The following MIB1 variants were observed in gnomAD, a reference collection of about 807,000 sequenced individuals.
MIB1 encodes MIB E3 ubiquitin protein ligase 1.
Under a neutral mutation model 124.5 loss-of-function variants are expected in MIB1, and 278 were observed. That is an observed-to-expected ratio of 2.23 (90% confidence interval 2.02 to 2.47). The LOEUF is 2.47. Among genes scored for constraint, MIB1 ranks in the 30% most tolerant of loss-of-function variants. MIB1 has a pLI of 0.00. For missense variants in MIB1, 957 were observed against 1,254.4 expected (o/e 0.76, Z 3.58); for synonymous variants, 446 against 429.4 (o/e 1.04, Z -0.48).
At chr18:21,777,040 G>C (rs2041296964) in intron 4 of MIB1, among the ~76,000 whole-genome samples, 1 of 152,034 alleles carries the variant, frequency 6.6e-6, no homozygotes, top group Admixed American at 6.6e-5. Flanking sequence ...ACTGTATTTG[G>C]TTTTGTTATT....
At chr18:21,862,883 G>T (rs1314845013) in intron 20 of MIB1, among the ~76,000 whole-genome samples, 2 of 152,164 alleles carry the variant, frequency 1.3e-5, no homozygotes, top group Admixed American at 1.3e-4. Context: ...TTCTTTTTAT[G>T]CAAGAGCAGC....
At chr18:21,754,747 C>A (rs993585341) in intron 1 of MIB1, among the ~76,000 whole-genome samples, 6 of 152,192 alleles carry the variant, frequency 3.9e-5, no homozygotes, top group African/African-American at 1.4e-4. Context: ...GTTAGTTTTG[C>A]TGTCACATCT....
chr18:21,723,959 C>T (rs146258023), intron 1 of MIB1, among the ~76,000 whole-genome samples: 3 of 152,040 alleles, frequency 2.0e-5, no homozygotes, highest in African/African-American at 7.2e-5. Flanking sequence ...CTGCCTTGGC[C>T]TCCCAAAGTG....
In MIB1 at chr18:21,844,198, AAGATATGC is replaced by A; in HGVS notation, c.2158_2165del (p.Asp720ArgfsTer43). 6.2e-7 allele frequency: 1 copy of A among 1,614,190 alleles called. No homozygotes were observed. Among genetic ancestry groups the A allele is most frequent in the Non-Finnish European group, 8.5e-7 (1 of 1,180,016 alleles). ...ACTTTGTCTCAGCTACGTCAGCTCCAAGATATGCAAGATGTGGGGAAGGTGGATGCTGC... is the reference window on the plus strand; with the variant it reads ...ACTTTGTCTCAGCTACGTCAGCTCCAAAGATGTGGGGAAGGTGGATGCTGC... On this transcript the variant is annotated frameshift_variant, in exon 15 of 21. Coordinates refer to ENST00000261537, the MANE Select transcript of MIB1 (RefSeq NM_020774.4). LOFTEE classifies it high-confidence loss of function.
intron 12 of MIB1, among the ~76,000 whole-genome samples, chr18:21,824,385 C>T (rs1357018481): frequency 6.6e-6 from 1 of 152,106 alleles, no homozygotes; most frequent in Non-Finnish European, 1.5e-5. Context: ...GGTCTGTAAA[C>T]AAGACTATGT....
At chr18:21,820,874 A>G (rs1158635757) in intron 12 of MIB1, among the ~76,000 whole-genome samples, 3 of 152,372 alleles carry the variant, frequency 2.0e-5, no homozygotes, top group South Asian at 4.1e-4. Context: ...AGCAAGGTCT[A>G]GGTGACTTTA....
At chr18:21,760,674 C>G (rs1003665873) in intron 1 of MIB1, among the ~76,000 whole-genome samples, 6 of 152,162 alleles carry the variant, frequency 3.9e-5, no homozygotes, top group African/African-American at 1.4e-4. Context: ...ATTATGAGCT[C>G]ATGACTGTTA....
At position 21,868,133 on chromosome 18, in the gene MIB1, TCATAA is replaced by T. The variant is rs1258345879; in HGVS notation, c.*3473_*3477del. 5.3e-5 allele frequency: 8 copies of T among 152,028 alleles called. No individual in the cohort carries two copies. Among genetic ancestry groups the T allele is most frequent in the Non-Finnish European group, 1.0e-4 (7 of 67,930 alleles). The allele number at this position is 152,028 out of a possible 1,614,324, so 9.4% of individuals were successfully genotyped here. The stretch of plus-strand genomic sequence containing the variant: ...TTTTGTATTTTTTGTGATGAAAAAC[TCATAA>T]CATAAAATTTACCATATTAACTGTT... On this transcript the variant is annotated 3_prime_UTR_variant, in exon 21 of 21. Transcript: ENST00000261537.
intron 12 of MIB1, chr18:21,830,606 T>C (rs532126838): frequency 6.6e-6 from 1 of 152,156 alleles, no homozygotes; most frequent in East Asian, 1.9e-4. Context: ...ACAGGCCTTA[T>C]GGTGCTCTGT....
At chr18:21,766,916 A>C (rs186674009) in intron 2 of MIB1, among the ~76,000 whole-genome samples, 7 of 152,270 alleles carry the variant, frequency 4.6e-5, no homozygotes, top group Non-Finnish European at 7.4e-5. Context: ...ACAATAAAAT[A>C]AAATTAGGAA....
intron 12 of MIB1, chr18:21,828,286 C>A (rs771688063): frequency 4.0e-5 from 6 of 151,832 alleles, no homozygotes; most frequent in Admixed American, 2.0e-4. Flanking sequence ...TACCAATATA[C>A]CCTGCTGACT....
Position 21,778,157 on chromosome 18 carries a change from T to TG in MIB1, c.692dup (p.Cys231TrpfsTer6). ...GGGAGGTTCTTTCTACAGAGATCAC[T>TG]GCCCTGTGCTAGGTGAGTGAGAAGA... is the stretch of plus-strand genomic sequence containing the variant. On this transcript the variant is annotated frameshift_variant, in exon 5 of 21. Coordinates refer to ENST00000261537, the MANE Select transcript of MIB1 (RefSeq NM_020774.4). LOFTEE classifies it high-confidence loss of function. 6.2e-7 allele frequency: 1 copy of TG among 1,605,150 alleles called. No homozygotes were observed. The highest frequency in any genetic ancestry group is 1.7e-4 in the Middle Eastern group (1 of 6,054).
intron 1 of MIB1, among the ~76,000 whole-genome samples, chr18:21,725,263 G>C (rs1329676763): frequency 6.6e-6 from 1 of 152,062 alleles, no homozygotes; most frequent in Non-Finnish European, 1.5e-5. Context: ...TTCTGTCTTA[G>C]GAACTGAAGC....
At chr18:21,801,115 C>T (rs533253808) in intron 9 of MIB1, among the ~76,000 whole-genome samples, 1 of 152,216 alleles carries the variant, frequency 6.6e-6, no homozygotes, top group South Asian at 2.1e-4. Flanking sequence ...TCCTGTTCTA[C>T]AGAGGCAGCT....
At chr18:21,810,300 AAGATGTC>A (rs1397263542) in intron 10 of MIB1, among the ~76,000 whole-genome samples, 1 of 151,530 alleles carries the variant, frequency 6.6e-6, no homozygotes, top group Non-Finnish European at 1.5e-5. Context: ...TTATATTGTT[AAGATGTC>A]AGTACTACCC....
chr18:21,717,650 C>T (rs1264676370), intron 1 of MIB1, among the ~76,000 whole-genome samples: 2 of 152,178 alleles, frequency 1.3e-5, no homozygotes, highest in Non-Finnish European at 2.9e-5. Context: ...AAAAAATCCT[C>T]AACATCACTA....
intron 1 of MIB1, among the ~76,000 whole-genome samples, chr18:21,760,778 T>C (rs2041088834): frequency 6.6e-6 from 1 of 152,112 alleles, no homozygotes; most frequent in African/African-American, 2.4e-5. Flanking sequence ...TTGAATGGGG[T>C]AGTTGGGATA....
At chr18:21,818,171 G>T (rs2041847484) in intron 11 of MIB1, among the ~76,000 whole-genome samples, 1 of 152,170 alleles carries the variant, frequency 6.6e-6, no homozygotes, top group South Asian at 2.1e-4. Flanking sequence ...TGCACAAGAT[G>T]TTCATCTGTG....
rs60650753 is a variant in MIB1, at chr18:21,724,727, AATATATATATATAT to A, written n.167+19637_167+19650del. Among the ~76,000 whole-genome samples the A allele has an allele frequency of 4.1e-3, 72 of 17,358 alleles. 1 individual carries two copies. The highest frequency in any genetic ancestry group is 0.026 in the South Asian group (9 of 352). 11.4% of individuals were successfully genotyped at this position (17,358 alleles called of 152,430 possible). A position where few individuals can be genotyped will look rare whatever the true frequency, so the allele number is the denominator to read the frequency against. On this transcript the variant is annotated intron_variant and non_coding_transcript_variant, in intron 1 of 20. Transcript: ENST00000578646. Reference sequence around the variant, plus strand: ...CTCCCCCATCCAAAAAAAAAAAAAAAATATATATATATATATATATATATATATATATATATATA... The same window carrying A: ...CTCCCCCATCCAAAAAAAAAAAAAAAATATATATATATATATATATATATA...
Sources: allele counts gnomAD v4.1 joint callset (sites outside exome capture counted in the v4.1 genomes callset), GRCh38; gene constraint gnomAD v4.1.1; transcripts MANE v1.5; gene names NCBI Gene and HGNC (gene_info 2026-07-23, HGNC 2026-07-21).